Variants in WWOX observed in about 807,000 individuals in gnomAD.
WWOX encodes the protein WW domain-containing oxidoreductase.
In WWOX, 69 loss-of-function variants were observed where a neutral mutation model predicts 46.2. That is an observed-to-expected ratio of 1.49 (90% CI 1.23 to 1.82). The LOEUF (loss-of-function observed/expected upper bound fraction) is 1.82. Ranked by LOEUF, WWOX falls within the 40% of genes most tolerant of loss-of-function variation. The pLI is 0.00. For missense variants in WWOX, 919 were observed against 542.6 expected (o/e 1.69, Z -6.89); for synonymous variants, 359 against 202.6 (o/e 1.77, Z -6.56).
chr16:78,443,135 C>CAAAAA (rs759618827), intron 8 of WWOX, among the ~76,000 whole-genome samples: 1 of 40,282 alleles, frequency 2.5e-5, no homozygotes, highest in Non-Finnish European at 5.0e-5. Context: ...GACTCCATCT[C>CAAAAA]AAAAAAAAAA....
At chr16:78,726,070 C>CG (rs2142367957) in intron 8 of WWOX, among the ~76,000 whole-genome samples, 3 of 145,448 alleles carry the variant, frequency 2.1e-5, no homozygotes, top group Admixed American at 6.9e-5. Flanking sequence ...CCCTGCTTCC[C>CG]TTCCCTCCCT....
At chr16:78,701,189 A>G in intron 8 of WWOX, among the ~76,000 whole-genome samples, 1 of 152,174 alleles carries the variant, frequency 6.6e-6, no homozygotes, top group South Asian at 2.1e-4. Context: ...AGTGAGTATC[A>G]GTGGGTATTT....
chr16:78,789,892 G>T (rs1210255159), intron 8 of WWOX, among the ~76,000 whole-genome samples: 5 of 152,146 alleles, frequency 3.3e-5, no homozygotes, highest in Non-Finnish European at 7.3e-5. Context: ...TTCCAAATCA[G>T]ACAGTTGTAA....
intron 8 of WWOX, among the ~76,000 whole-genome samples, chr16:78,851,611 T>C (rs545950546): frequency 6.6e-6 from 1 of 152,374 alleles, no homozygotes; most frequent in East Asian, 1.9e-4. Flanking sequence ...TTCACCACTT[T>C]GTCCAACCTA....
intron 8 of WWOX, among the ~76,000 whole-genome samples, chr16:78,755,842 C>G (rs529584352): frequency 6.6e-6 from 1 of 152,298 alleles, no homozygotes; most frequent in South Asian, 2.1e-4. Flanking sequence ...AAGTAACCAC[C>G]CCAGATTTTT....
At chr16:78,575,464 A>G (rs2044854309) in intron 8 of WWOX, among the ~76,000 whole-genome samples, 1 of 151,966 alleles carries the variant, frequency 6.6e-6, no homozygotes, top group African/African-American at 2.4e-5. Flanking sequence ...ATGCTCAGGA[A>G]ACCAAAAAGG....
intron 8 of WWOX, among the ~76,000 whole-genome samples, chr16:79,056,383 T>C (rs1047941419): frequency 6.6e-6 from 1 of 152,214 alleles, no homozygotes; most frequent in African/African-American, 2.4e-5. Flanking sequence ...CTTGGACCCA[T>C]GTGCAGAGTA....
intron 8 of WWOX, among the ~76,000 whole-genome samples, chr16:78,516,365 G>A (rs1336776697): frequency 6.6e-6 from 1 of 152,170 alleles, no homozygotes; most frequent in East Asian, 1.9e-4. Context: ...AACAGTTAAA[G>A]AGAGAACCCA....
At chr16:78,537,206 C>G (rs753153794) in intron 8 of WWOX, among the ~76,000 whole-genome samples, 3 of 152,076 alleles carry the variant, frequency 2.0e-5, no homozygotes, top group African/African-American at 4.8e-5. Context: ...GGTGACCCAC[C>G]ACACCCAGCC....
At chr16:78,561,333 TC>T (rs1260400521) in intron 8 of WWOX, among the ~76,000 whole-genome samples, 1 of 152,102 alleles carries the variant, frequency 6.6e-6, no homozygotes, top group Non-Finnish European at 1.5e-5. Context: ...TGCATGTAGT[TC>T]CCTCCTGCTT....
chr16:78,387,335 G>A (rs1055338063), intron 6 of WWOX, among the ~76,000 whole-genome samples: 2 of 152,162 alleles, frequency 1.3e-5, no homozygotes, highest in Admixed American at 6.5e-5. Flanking sequence ...CAGTATGGCA[G>A]GGAGGTTGAC....
chr16:78,737,303 A>G (rs140424614), intron 8 of WWOX, among the ~76,000 whole-genome samples: 3 of 145,908 alleles, frequency 2.1e-5, no homozygotes, highest in East Asian at 3.9e-4. Flanking sequence ...TGTATATAAT[A>G]TATATATTTT....
intron 5 of WWOX, among the ~76,000 whole-genome samples, chr16:78,357,992 G>A (rs2081333783): frequency 6.6e-6 from 1 of 152,194 alleles, no homozygotes; most frequent in African/African-American, 2.4e-5. Flanking sequence ...TGTTGCCGGA[G>A]ATGTGGAGCT....
At chr16:78,623,754 G>C (rs569330756) in intron 8 of WWOX, among the ~76,000 whole-genome samples, 2 of 149,346 alleles carry the variant, frequency 1.3e-5, no homozygotes, top group Admixed American at 6.7e-5. Flanking sequence ...AAAAAAAAGT[G>C]TACTTTTTGA....
At chr16:78,262,117 A>G (rs1490632217) in intron 5 of WWOX, among the ~76,000 whole-genome samples, 1 of 150,712 alleles carries the variant, frequency 6.6e-6, no homozygotes, top group Non-Finnish European at 1.5e-5. Context: ...AAAAAAAAAA[A>G]AAGAAGGAAA....
chr16:78,286,098 C>T (rs1045212920), intron 5 of WWOX, among the ~76,000 whole-genome samples: 9 of 152,204 alleles, frequency 5.9e-5, no homozygotes, highest in Non-Finnish European at 1.0e-4. Flanking sequence ...TTAAAAAAAT[C>T]TGCTAACGGA....
chr16:78,170,819 T>C (rs1409930620), intron 5 of WWOX, among the ~76,000 whole-genome samples: 1 of 152,242 alleles, frequency 6.6e-6, no homozygotes, highest in Admixed American at 6.5e-5. Context: ...AAAATGATTA[T>C]TGAGAAAGCA....
chr16:79,017,469 A>AAGAAATT (rs2047440790), intron 8 of WWOX: 4 of 149,972 alleles, frequency 2.7e-5, no homozygotes, highest in Admixed American at 6.7e-5. Flanking sequence ...AAAAGAAAGA[A>AAGAAATT]AGAAATTACA....
At chr16:78,984,978 G>A (rs1162227823) in intron 8 of WWOX, among the ~76,000 whole-genome samples, 2 of 152,024 alleles carry the variant, frequency 1.3e-5, no homozygotes, top group Non-Finnish European at 2.9e-5. Context: ...CAGATACTGG[G>A]CAAAAGGAAA....
Sources: allele counts gnomAD v4.1 joint callset (sites outside exome capture counted in the v4.1 genomes callset), GRCh38; gene constraint gnomAD v4.1.1; transcripts MANE v1.5; gene names NCBI Gene and HGNC (gene_info 2026-07-23, HGNC 2026-07-21).